The following FHIT variants were observed in gnomAD, a reference collection of about 807,000 sequenced individuals.
The protein encoded by FHIT is fragile histidine triad diadenosine triphosphatase.
Under a neutral mutation model 17.9 loss-of-function variants are expected in FHIT, and 19 were observed. That is an observed-to-expected ratio of 1.06 (90% CI 0.74 to 1.56). FHIT has a LOEUF of 1.56. Ranked by LOEUF, FHIT falls within the 40% of genes most tolerant of loss-of-function variation. The probability of loss-of-function intolerance (pLI) is 0.00; values close to 1 mark genes in which losing one functional copy is unlikely to be tolerated. For missense variants in FHIT, 248 were observed against 189.2 expected (o/e 1.31, Z -1.82); for synonymous variants, 81 against 69.7 (o/e 1.16, Z -0.81).
chr3:61,177,432 TAAAAATA>T (rs1450003832), intron 2 of FHIT, among the ~76,000 whole-genome samples: 4 of 152,130 alleles, frequency 2.6e-5, no homozygotes, highest in Non-Finnish European at 5.9e-5. Context: ...TCCTGATCTT[TAAAAATA>T]AAAAATAAAG....
chr3:60,896,940 C>T (rs941779973), intron 3 of FHIT, among the ~76,000 whole-genome samples: 1 of 152,156 alleles, frequency 6.6e-6, no homozygotes, highest in Non-Finnish European at 1.5e-5. Flanking sequence ...TGTAGATGAC[C>T]AATTTCATAT....
chr3:60,189,716 TC>T (rs1702316393), intron 5 of FHIT, among the ~76,000 whole-genome samples: 1 of 152,066 alleles, frequency 6.6e-6, no homozygotes, highest in Non-Finnish European at 1.5e-5. Flanking sequence ...ATGACATGAA[TC>T]GTTTTTCAGC....
intron 4 of FHIT, among the ~76,000 whole-genome samples, chr3:60,744,268 C>CAAAAAAAAAAAA (rs374691493): frequency 1.2e-5 from 1 of 80,088 alleles, no homozygotes; most frequent in African/African-American, 4.7e-5. Flanking sequence ...CAAAACAAAA[C>CAAAAAAAAAAAA]AAAAAAAAAA....
intron 5 of FHIT, among the ~76,000 whole-genome samples, chr3:60,337,512 T>C (rs896852182): frequency 6.6e-6 from 1 of 152,212 alleles, no homozygotes; most frequent in Non-Finnish European, 1.5e-5. Flanking sequence ...ATTACTAATT[T>C]TGAAATACAT....
intron 5 of FHIT, among the ~76,000 whole-genome samples, chr3:60,310,792 C>T (rs535670647): frequency 6.6e-6 from 1 of 152,152 alleles, no homozygotes; most frequent in Admixed American, 6.6e-5. Flanking sequence ...CTACATGGTC[C>T]AAGAATTAGA....
chr3:61,177,757 C>T (rs1267248919), intron 2 of FHIT, among the ~76,000 whole-genome samples: 4 of 152,054 alleles, frequency 2.6e-5, no homozygotes, highest in East Asian at 1.9e-4. Context: ...AAAACAACCC[C>T]GGCCAAAAAT....
intron 4 of FHIT, among the ~76,000 whole-genome samples, chr3:60,811,193 T>C (rs192065992): frequency 2.4e-4 from 37 of 152,296 alleles, no homozygotes; most frequent in African/African-American, 6.3e-4. Flanking sequence ...AAGCTAACTA[T>C]AGTCTGACTG....
rs542282960 is a variant in FHIT, at chr3:60,860,125, T to C, written c.-110-38114A>G. Reference sequence around the variant, plus strand: ...TATCTGATATATGATATATAAATGATATATCTGATATATATACATATGGTA... The same window carrying C: ...TATCTGATATATGATATATAAATGACATATCTGATATATATACATATGGTA... On this transcript the variant is annotated intron_variant, in intron 3 of 9. Coordinates refer to ENST00000492590, the MANE Select transcript of FHIT (RefSeq NM_002012.4). Among the ~76,000 whole-genome samples, 12 of 147,668 alleles carry C rather than the reference T, an allele frequency of 8.1e-5. No homozygotes were observed. The East Asian group carries it at 2.4e-3, about 29-fold the overall frequency.
chr3:60,209,448 C>G (rs139808913), intron 5 of FHIT, among the ~76,000 whole-genome samples: 172 of 152,284 alleles, frequency 1.1e-3, no homozygotes, highest in African/African-American at 3.8e-3. Context: ...TGATACTCCT[C>G]TCAATCTCTT....
At chr3:60,131,201 A>G (rs763866983) in intron 5 of FHIT, among the ~76,000 whole-genome samples, 1 of 151,786 alleles carries the variant, frequency 6.6e-6, no homozygotes, top group African/African-American at 2.4e-5. Context: ...TAGTATTTGC[A>G]TATAACCTTC....
chr3:60,565,050 T>G lies in FHIT; in HGVS notation c.-17-28071A>C, dbSNP rs139161022. 3.0e-3 allele frequency among the ~76,000 whole-genome samples: 457 copies of G among 152,280 alleles called. 1 individual carries two copies. Among genetic ancestry groups the G allele is most frequent in the African/African-American group, 0.01 (423 of 41,568 alleles). The stretch of plus-strand genomic sequence containing the variant: ...CAACTTTCAGCAACCACCACCATGA[T>G]CAGTCAGCAGCCATCAACATTGAGG... On this transcript the variant is annotated intron_variant, in intron 4 of 9. Transcript: ENST00000492590.
rs1553699532 is a variant in FHIT at position 60,691,370 on chromosome 3, TTTC to T, written c.-18+130546_-18+130548del. 2.6e-5 allele frequency among the ~76,000 whole-genome samples: 4 copies of T among 152,074 alleles called. No homozygotes were observed. The South Asian group carries it at 8.3e-4, about 32-fold the overall frequency. ...TTTTTTCCCCTCTTGATTTTTTCTT[TTTC>T]TTCTTTTTTTTTTTCTTGAGACAGG... On this transcript the variant is annotated intron_variant, in intron 4 of 9. Coordinates refer to ENST00000492590, the MANE Select transcript of FHIT (RefSeq NM_002012.4).
intron 2 of FHIT, among the ~76,000 whole-genome samples, chr3:61,164,686 T>C (rs1033785127): frequency 4.6e-5 from 7 of 152,180 alleles, no homozygotes; most frequent in Middle Eastern, 3.2e-3. Flanking sequence ...ATAGGCAAGT[T>C]TGTTACCTGA....
At chr3:61,160,587 C>T (rs1037680367) in intron 2 of FHIT, among the ~76,000 whole-genome samples, 1 of 152,056 alleles carries the variant, frequency 6.6e-6, no homozygotes, top group Non-Finnish European at 1.5e-5. Flanking sequence ...TATTTTAAAA[C>T]AACAGAAGGA....
At chr3:60,902,822 C>T (rs1706192100) in intron 3 of FHIT, among the ~76,000 whole-genome samples, 3 of 152,138 alleles carry the variant, frequency 2.0e-5, no homozygotes, top group Admixed American at 2.0e-4. Context: ...TTCCTTCTAG[C>T]CTAGGCCAAT....
At chr3:59,778,187 C>A (rs1431844259) in intron 8 of FHIT, among the ~76,000 whole-genome samples, 1 of 152,128 alleles carries the variant, frequency 6.6e-6, no homozygotes, top group East Asian at 1.9e-4. Context: ...TGAAGAGCAC[C>A]ATTTATTTAG....
chr3:59,778,564 C>A (rs1702434315), intron 8 of FHIT, among the ~76,000 whole-genome samples: 1 of 152,174 alleles, frequency 6.6e-6, no homozygotes, highest in South Asian at 2.1e-4. Context: ...AATACTCTGC[C>A]ACTGTAGTGA....
chr3:60,021,330 T>A (rs896687653), intron 5 of FHIT, among the ~76,000 whole-genome samples: 1 of 152,170 alleles, frequency 6.6e-6, no homozygotes, highest in Non-Finnish European at 1.5e-5. Context: ...TGCTCAAAAG[T>A]AAGAATCACT....
intron 5 of FHIT, among the ~76,000 whole-genome samples, chr3:60,323,385 T>A (rs1032647119): frequency 3.3e-5 from 5 of 152,182 alleles, no homozygotes; most frequent in African/African-American, 1.2e-4. Flanking sequence ...CTGGCCAATT[T>A]TGAGTACTTC....
Sources: allele counts gnomAD v4.1 joint callset (sites outside exome capture counted in the v4.1 genomes callset), GRCh38; gene constraint gnomAD v4.1.1; transcripts MANE v1.5; gene names NCBI Gene and HGNC (gene_info 2026-07-23, HGNC 2026-07-21).